Variants in NRXN3 observed in about 807,000 individuals in gnomAD.
NRXN3 encodes the protein neurexin 3.
Under a neutral mutation model 137.6 loss-of-function variants are expected in NRXN3, and 32 were observed. The observed-to-expected ratio is 0.23, with a 90% confidence interval of 0.18 to 0.31. NRXN3 has a LOEUF of 0.31. Among genes scored for constraint, NRXN3 ranks in the 10% least tolerant of loss-of-function variants. The pLI, the probability that NRXN3 is intolerant of heterozygous loss-of-function variation, is 1.00. For synonymous variants in NRXN3, 798 were observed against 784.5 expected (o/e 1.02, Z -0.29); for missense variants, 1,574 against 2,062.5 (o/e 0.76, Z 4.59).
At chr14:79,424,945 CTGAT>C (rs979639069) in intron 15 of NRXN3, among the ~76,000 whole-genome samples, 8 of 152,030 alleles carry the variant, frequency 5.3e-5, no homozygotes, top group Non-Finnish European at 7.4e-5. Flanking sequence ...AGCTAAATGA[CTGAT>C]TGGCAGCAAG....
intron 4 of NRXN3, among the ~76,000 whole-genome samples, chr14:78,445,513 A>G (rs2153700623): frequency 6.6e-6 from 1 of 152,264 alleles, no homozygotes; most frequent in East Asian, 1.9e-4. Flanking sequence ...CTGTCTCTGT[A>G]TGTGCACTGG....
chr14:78,848,511 G>A (rs2099033900), intron 10 of NRXN3, among the ~76,000 whole-genome samples: 1 of 152,178 alleles, frequency 6.6e-6, no homozygotes, highest in Non-Finnish European at 1.5e-5. Context: ...AGAAGGACAT[G>A]TCAAATTAGT....
chr14:78,729,991 A>G (rs2098507065), intron 8 of NRXN3, among the ~76,000 whole-genome samples: 1 of 152,150 alleles, frequency 6.6e-6, no homozygotes, highest in African/African-American at 2.4e-5. Flanking sequence ...AGACATCTAA[A>G]CTGCCCACCC....
chr14:79,653,903 G>A (rs967904860), intron 16 of NRXN3, among the ~76,000 whole-genome samples: 7 of 152,200 alleles, frequency 4.6e-5, no homozygotes, highest in South Asian at 2.1e-4. Context: ...GCTGCCTATG[G>A]CAAATGGAAT....
chr14:79,174,057 T>C (rs570052290), intron 15 of NRXN3, among the ~76,000 whole-genome samples: 123 of 152,310 alleles, frequency 8.1e-4, no homozygotes, highest in African/African-American at 2.8e-3. Context: ...TTGTTTTTGT[T>C]TCTCTAATCT....
rs150295285 is a variant in NRXN3, at chr14:79,803,933, G to GTATA, written c.4015-1171_4015-1168dup. The stretch of plus-strand genomic sequence containing the variant: ...TATATGTATATATATATATGTGTGT[G>GTATA]TATATATATATGTATATATATATAC... On this transcript the variant is annotated intron_variant, in intron 19 of 20. Transcript: ENST00000335750. 1.5e-4 allele frequency among the ~76,000 whole-genome samples: 21 copies of GTATA among 141,268 alleles called. No homozygotes were observed. In the South Asian group the frequency reaches 3.7e-3, roughly 25 times the overall value. The allele number at this position is 141,268 out of a possible 152,430, so 92.7% of individuals were successfully genotyped here.
chr14:78,860,871 A>G (rs919522821), intron 10 of NRXN3, among the ~76,000 whole-genome samples: 6 of 152,036 alleles, frequency 3.9e-5, no homozygotes, highest in African/African-American at 1.2e-4. Context: ...AGGTGGAAGG[A>G]GAGGCGAAGG....
At chr14:79,555,285 T>C (rs2097418218) in intron 16 of NRXN3, among the ~76,000 whole-genome samples, 1 of 152,020 alleles carries the variant, frequency 6.6e-6, no homozygotes, top group Non-Finnish European at 1.5e-5. Flanking sequence ...TGGGGAAGGG[T>C]AAGACTATAG....
At chr14:79,165,695 G>C (rs375902050) in intron 15 of NRXN3, among the ~76,000 whole-genome samples, 2 of 152,012 alleles carry the variant, frequency 1.3e-5, no homozygotes, top group East Asian at 3.9e-4. Flanking sequence ...GCACATGACT[G>C]ATGTGTGTGC....
At chr14:79,261,634 TG>T in intron 15 of NRXN3, among the ~76,000 whole-genome samples, 1 of 101,776 alleles carries the variant, frequency 9.8e-6, no homozygotes, top group Non-Finnish European at 1.9e-5. Context: ...TGTGTGTGTG[TG>T]TGTGTGTGAT....
At chr14:78,418,581 T>C (rs1021051875) in intron 4 of NRXN3, among the ~76,000 whole-genome samples, 5 of 152,156 alleles carry the variant, frequency 3.3e-5, no homozygotes, top group African/African-American at 9.7e-5. Context: ...CTTGGAAACA[T>C]GTCAGAGTGT....
intron 15 of NRXN3, among the ~76,000 whole-genome samples, chr14:79,281,440 C>T (rs557666950): frequency 4.6e-5 from 7 of 152,246 alleles, no homozygotes; most frequent in Non-Finnish European, 7.3e-5. Flanking sequence ...GCGATGTCTG[C>T]AGCTAAGGTA....
intron 16 of NRXN3, among the ~76,000 whole-genome samples, chr14:79,527,163 A>T: frequency 6.6e-6 from 1 of 151,542 alleles, no homozygotes; most frequent in East Asian, 2.0e-4. Flanking sequence ...GCATGGTGGC[A>T]GAAGCCTGTA....
chr14:78,717,619 A>G (rs369375020), intron 8 of NRXN3, among the ~76,000 whole-genome samples: 1 of 152,250 alleles, frequency 6.6e-6, no homozygotes, highest in Admixed American at 6.5e-5. Flanking sequence ...GTTTTTCTTT[A>G]TGGAAACTGA....
At chr14:78,623,799 C>A (rs529273083) in intron 4 of NRXN3, among the ~76,000 whole-genome samples, 1 of 152,274 alleles carries the variant, frequency 6.6e-6, no homozygotes, top group Admixed American at 6.5e-5. Context: ...AACTCCTGAC[C>A]TCAGGTGATC....
chr14:78,604,639 C>A (rs1260454756), intron 4 of NRXN3, among the ~76,000 whole-genome samples: 1 of 152,128 alleles, frequency 6.6e-6, no homozygotes, highest in Non-Finnish European at 1.5e-5. Context: ...TTTTAGAGAT[C>A]CCCTTCATTC....
chr14:79,046,292 C>T (rs1156344574), intron 15 of NRXN3, among the ~76,000 whole-genome samples: 1 of 152,126 alleles, frequency 6.6e-6, no homozygotes, highest in South Asian at 2.1e-4. Flanking sequence ...CTATGATGGT[C>T]CCTGAGAAAG....
At chr14:79,294,651 C>T (rs967410173) in intron 15 of NRXN3, among the ~76,000 whole-genome samples, 1 of 152,074 alleles carries the variant, frequency 6.6e-6, no homozygotes, top group South Asian at 2.1e-4. Flanking sequence ...CCCTGTATGA[C>T]CTAGAATCTT....
At chr14:78,315,977 A>G (rs1017691809) in intron 4 of NRXN3, among the ~76,000 whole-genome samples, 1 of 152,184 alleles carries the variant, frequency 6.6e-6, no homozygotes, top group Non-Finnish European at 1.5e-5. Context: ...TCTGAAATGA[A>G]GCCCCTTCCT....
Sources: allele counts gnomAD v4.1 joint callset (sites outside exome capture counted in the v4.1 genomes callset), GRCh38; gene constraint gnomAD v4.1.1; transcripts MANE v1.5; gene names NCBI Gene and HGNC (gene_info 2026-07-23, HGNC 2026-07-21).